Variants in CTSH observed in about 807,000 individuals in gnomAD.
CTSH encodes the protein pro-cathepsin H.
Under a neutral mutation model 56.3 loss-of-function variants are expected in CTSH, and 52 were observed. The ratio of observed to expected loss-of-function variants is 0.92; its 90% CI spans 0.74 to 1.16. The LOEUF (loss-of-function observed/expected upper bound fraction) is 1.16. Among genes scored for constraint, CTSH ranks in the 50% most tolerant of loss-of-function variants. The pLI, the probability that CTSH is intolerant of heterozygous loss-of-function variation, is 0.00. For missense variants in CTSH, 406 were observed against 424.5 expected, an observed-to-expected ratio of 0.96 and a Z score of 0.38; for synonymous variants, 174 against 155.7, an observed-to-expected ratio of 1.12 and a Z score of -0.88.
chr15:78,940,090 C>T (rs923115488), intron 1 of CTSH, among the ~76,000 whole-genome samples: 7 of 152,116 alleles, frequency 4.6e-5, no homozygotes, highest in South Asian at 4.1e-4. Flanking sequence ...TTCACAAAAA[C>T]GAAACCTCAC....
chr15:78,922,897 G>T, intron 11 of CTSH, 96 bp downstream of exon 11: 1 of 1,452,126 alleles, frequency 6.9e-7, no homozygotes, highest in Non-Finnish European at 9.2e-7. Context: ...CAGCTCGTCT[G>T]TGGAAGCCGT....
intron 1 of CTSH, among the ~76,000 whole-genome samples, chr15:78,942,767 C>T (rs1486724908): frequency 1.3e-5 from 2 of 152,188 alleles, no homozygotes; most frequent in Non-Finnish European, 2.9e-5. Context: ...AATAAAAGGT[C>T]TGTAAATGGA....
chr15:78,928,676 C>T (rs571107688), intron 8 of CTSH, among the ~76,000 whole-genome samples: 139 of 151,614 alleles, frequency 9.2e-4, no homozygotes, highest in African/African-American at 3.0e-3. Flanking sequence ...GCATTCTGAT[C>T]GAGGCAGGCG....
intron 2 of CTSH, among the ~76,000 whole-genome samples, chr15:78,938,538 T>C (rs1183326907): frequency 6.6e-6 from 1 of 152,212 alleles, no homozygotes; most frequent in Non-Finnish European, 1.5e-5. Context: ...TATGCTTGGC[T>C]TATTTCACTA....
intron 10 of CTSH, among the ~76,000 whole-genome samples, chr15:78,924,852 C>CTTT (rs10689092): frequency 0.11 from 14,253 of 135,490 alleles, 841 homozygotes; most frequent in East Asian, 0.26. Context: ...ACCACGCTGG[C>CTTT]TTTTTTTTTT....
Position 78,931,450 on chromosome 15 carries a change from C to A in CTSH, c.548+1G>T. The A allele has an allele frequency of 6.2e-7, 1 of 1,614,196 alleles. No homozygotes were observed. Among genetic ancestry groups the A allele is most frequent in the Non-Finnish European group, 8.5e-7 (1 of 1,180,030 alleles). On this transcript the variant is annotated splice_donor_variant, in intron 7 of 11. Transcript: ENST00000220166. LOFTEE classifies it high-confidence loss of function. ...TGGGCCCCTTCTGGTCAGAGACGTA[C>A]CCTTGGCAGCCGTGATTATTGAAGT...
chr15:78,938,787 G>A (rs2055229181), intron 2 of CTSH, among the ~76,000 whole-genome samples: 1 of 152,160 alleles, frequency 6.6e-6, no homozygotes, highest in South Asian at 2.1e-4. Context: ...TAGTAGGCTT[G>A]CTGGGTCATA....
intron 5 of CTSH, among the ~76,000 whole-genome samples, chr15:78,934,171 G>A (rs2055123708): frequency 6.6e-6 from 1 of 152,230 alleles, no homozygotes; most frequent in Non-Finnish European, 1.5e-5. Context: ...CAGGCTCCAG[G>A]AACACTGCAA....
intron 5 of CTSH, 145 bp from the exon 6 acceptor site, chr15:78,932,603 T>C: frequency 1.6e-6 from 1 of 630,324 alleles, no homozygotes; most frequent in Non-Finnish European, 2.8e-6. Flanking sequence ...TCCAGATCCA[T>C]TCATTCTGAG....
At chr15:78,930,805 C>T (rs1363909876) in intron 7 of CTSH, among the ~76,000 whole-genome samples, 1 of 152,072 alleles carries the variant, frequency 6.6e-6, no homozygotes, top group Non-Finnish European at 1.5e-5. Flanking sequence ...GGGATGTGCC[C>T]CAGGGAGGTG....
Position 78,923,006 on chromosome 15 carries a change from A to T in CTSH, c.919T>A (p.Trp307Arg), listed in dbSNP as rs779915500. The part of the protein sequence containing the change: ...WIVKNSWGPQ[W>R]GMNGYFLIER... The stretch of plus-strand genomic sequence containing the variant: ...GGAGCTGCTTACCCGTTCATTCCCC[A>T]CTGGGGACCCCAAGAGTTTTTCACG... The change falls in exon 11 of 12, where the codon TGG becomes AGG. Residue 307 changes from tryptophan (W) to arginine (R), a missense_variant. Physicochemically the swap from Trp to Arg is moderately radical, Grantham distance 101. Transcript: ENST00000220166. 1.9e-6 allele frequency: 3 copies of T among 1,611,314 alleles called. No homozygotes were observed. The highest frequency in any genetic ancestry group is 3.4e-5 in the Admixed American group (2 of 59,362).
chr15:78,942,129 G>A (rs1025633995), intron 1 of CTSH, among the ~76,000 whole-genome samples: 3 of 151,998 alleles, frequency 2.0e-5, no homozygotes, highest in African/African-American at 7.3e-5. Flanking sequence ...TAAGAGCAAT[G>A]CCACTTAATT....
chr15:78,924,149 G>A (rs1210747695), intron 10 of CTSH, among the ~76,000 whole-genome samples: 3 of 149,528 alleles, frequency 2.0e-5, no homozygotes, highest in Non-Finnish European at 3.0e-5. Context: ...CCCTGTGGAG[G>A]CGGGGAACGC....
intron 8 of CTSH, among the ~76,000 whole-genome samples, chr15:78,928,978 C>T (rs532433888): frequency 3.6e-4 from 49 of 134,532 alleles, no homozygotes; most frequent in Middle Eastern, 3.7e-3. Flanking sequence ...CCAGGCTGGG[C>T]GGAGGTGATG....
At chr15:78,938,704 G>T (rs62013227) in intron 2 of CTSH, among the ~76,000 whole-genome samples, 18,948 of 152,138 alleles carry the variant, frequency 0.12, 1,273 homozygotes, top group Middle Eastern at 0.18. Context: ...ATTGTGACTA[G>T]TTCTGCAATA....
rs1238432395 is a variant in CTSH at position 78,935,042 on chromosome 15, CCAGTACCTCGAAGGTAGT to C, written c.323_340del (p.Asn108_Gly114delinsSer). On this transcript the variant is annotated inframe_deletion, in exon 5 of 12. Coordinates refer to ENST00000220166, the MANE Select transcript of CTSH (RefSeq NM_004390.5). ...CCAGTCCACGGAAGGTGGGTAGGGA[CCAGTACCTCGAAGGTAGT>C]TACTTTTGGTGGCTGAGCAATTCTG... 1 of 1,614,088 alleles carries C rather than the reference CCAGTACCTCGAAGGTAGT, an allele frequency of 6.2e-7. No individual in the cohort carries two copies.
In CTSH at chr15:78,922,993, C is replaced by T. The variant is rs910214907; in HGVS notation, c.932G>A (p.Gly311Glu). 11 of 1,607,276 alleles carry T rather than the reference C, an allele frequency of 6.8e-6. No individual in the cohort carries two copies. Among genetic ancestry groups the T allele is most frequent in the Admixed American group, 1.7e-5 (1 of 58,066 alleles). Residue 311 changes from glycine (G) to glutamate (E), a missense_variant and splice_region_variant, in exon 11 of 12, where the codon GGG (glycine) becomes GAG (glutamate). Gly to Glu is a moderately conservative substitution (Grantham distance 98). Coordinates refer to ENST00000220166, the MANE Select transcript of CTSH (RefSeq NM_004390.5). Reference protein sequence around the residue: ...NSWGPQWGMNGYFLIERGKNM... With the variant: ...NSWGPQWGMNEYFLIERGKNM... ...GAAGTGGGACCTGGGAGCTGCTTAC[C>T]CGTTCATTCCCCACTGGGGACCCCA...
At chr15:78,943,360 C>G (rs995293833) in intron 1 of CTSH, among the ~76,000 whole-genome samples, 17 of 152,068 alleles carry the variant, frequency 1.1e-4, no homozygotes, top group African/African-American at 4.1e-4. Flanking sequence ...TCCTGAGTAC[C>G]TGGGATTACA....
At chr15:78,925,775 G>GCTTTGCTGCTAAACT in intron 9 of CTSH, 1 of 247,814 alleles carries the variant, frequency 4.0e-6, no homozygotes. Flanking sequence ...TAAACCCAGA[G>GCTTTGCTGCTAAACT]TCTACAAAGC....
Sources: gnomAD v4.1 joint callset for allele counts (sites outside exome capture counted in the v4.1 genomes callset) on GRCh38, gnomAD v4.1.1 for gene constraint, MANE v1.5 for transcripts, NCBI Gene and HGNC (gene_info 2026-07-23, HGNC 2026-07-21) for gene names.